Variants in BCORL1 observed in about 807,000 individuals in gnomAD.
The protein encoded by BCORL1 is BCL-6 corepressor-like protein 1.
A neutral mutation model predicts 87.6 loss-of-function variants in BCORL1; 7 were observed. The ratio of observed to expected loss-of-function variants is 0.08; its 90% CI spans 0.05 to 0.15. The LOEUF (loss-of-function observed/expected upper bound fraction) is 0.15, where lower values mean the gene tolerates loss of function less well. Among genes scored for constraint, BCORL1 ranks in the 10% least tolerant of loss-of-function variants. BCORL1 has a pLI of 1.00. For synonymous variants in BCORL1, 591 were observed against 634.4 expected (o/e 0.93, Z 1.03); for missense variants, 1,215 against 1,499.7 (o/e 0.81, Z 3.13).
In BCORL1 at chrX:130,021,156, C is replaced by T. The variant is rs1929773203; in HGVS notation, c.3607+6C>T. ...AGCCGACAGCCACGAGGAAGGTAGG[C>T]CCCGCGGCCCTGGCCCTCTGGGCTG... On this transcript the variant is annotated splice_donor_region_variant and intron_variant, in intron 5 of 13. Transcript: ENST00000540052. The T allele has an allele frequency of 8.3e-7, 1 of 1,197,699 alleles. No homozygotes were observed. The highest frequency in any genetic ancestry group is 1.1e-6 in the Non-Finnish European group (1 of 890,179).
rs929587534 is a variant in BCORL1 at position 130,055,809 on chromosome X, G to A, written c.5076-45G>A. ...AGTGTTCTGGGTCGGTGCCCCCACC[G>A]CTTCCTCCAGCCTCCTTCAATAACT... On this transcript the variant is annotated intron_variant, in intron 13 of 13. Transcript: ENST00000540052. 14 of 1,156,876 alleles carry A rather than the reference G, an allele frequency of 1.2e-5. No individual in the cohort carries two copies. The highest frequency in any genetic ancestry group is 2.4e-4 in the Middle Eastern group (1 of 4,095).
chrX:130,056,083 G>C lies in BCORL1; in HGVS notation c.5305G>C (p.Asp1769His), dbSNP rs376355190. Residue 1769 changes from aspartate (D) to histidine (H), a missense_variant, in exon 14 of 14, where the codon GAC becomes CAC. Physicochemically the swap from Asp to His is moderately conservative, Grantham distance 81. Around this residue, in one of 5 missense-constraint regions of BCORL1, gnomAD observed 129 missense variants for 157.5 expected, o/e 0.82. Transcript: ENST00000540052. ...TGTGGAGCTGGTGCGGTACGAGCCAGACCTACTTCGGCTCCTAGGGTCCGA... is the reference window on the plus strand; with the variant it reads ...TGTGGAGCTGGTGCGGTACGAGCCACACCTACTTCGGCTCCTAGGGTCCGA... The part of the protein sequence containing the change: ...ETVELVRYEP[D>H]LLRLLGSEVE... 2 of 1,196,433 alleles carry C rather than the reference G, an allele frequency of 1.7e-6. No homozygotes were observed. Among genetic ancestry groups the C allele is most frequent in the Non-Finnish European group, 2.3e-6 (2 of 886,377 alleles).
chrX:130,001,395 G>A (rs780741593), intron 1 of BCORL1, among the ~76,000 whole-genome samples: 63 of 112,393 alleles, frequency 5.6e-4, no homozygotes, highest in Non-Finnish European at 8.6e-4. Flanking sequence ...GGCCAAGGAC[G>A]CTATTTCTTA....
chrX:129,993,389 T>A (rs1927328666), intron 1 of BCORL1, among the ~76,000 whole-genome samples: 1 of 112,482 alleles, frequency 8.9e-6, no homozygotes, highest in South Asian at 3.6e-4. Flanking sequence ...TCTGGCGGTA[T>A]GAAAATGTAA....
chrX:130,012,894 A>T, intron 3 of BCORL1, 56 bp from the exon 4 acceptor site: 1 of 1,163,524 alleles, frequency 8.6e-7, no homozygotes. Context: ...GCCTCAGGAC[A>T]CTTGCACCAT....
At chrX:130,010,026 C>T (rs976464084) in intron 2 of BCORL1, among the ~76,000 whole-genome samples, 7 of 111,920 alleles carry the variant, frequency 6.3e-5, no homozygotes, top group African/African-American at 1.9e-4. Flanking sequence ...GCAGCGCCTT[C>T]GGGGCTGGAC....
intron 7 of BCORL1, 61 bp from the exon 8 acceptor site, chrX:130,028,574 G>A: frequency 1.0e-6 from 1 of 991,252 alleles, no homozygotes; most frequent in Non-Finnish European, 1.4e-6. Context: ...TTAGAGGAAG[G>A]CGTTGCTTTT....
chrX:130,006,803 C>T (rs545941940), intron 2 of BCORL1, among the ~76,000 whole-genome samples: 14 of 111,352 alleles, frequency 1.3e-4, no homozygotes, highest in African/African-American at 4.2e-4. Flanking sequence ...AACTCCTGAC[C>T]TCATGATCCA....
rs1932491076 is a variant in BCORL1 at position 130,057,995 on chromosome X, G to T, written c.*1859G>T. 9.0e-6 allele frequency: 1 copy of T among 110,747 alleles called. No homozygotes were observed. The highest frequency in any genetic ancestry group is 1.9e-5 in the Non-Finnish European group (1 of 52,982). The allele number at this position is 110,747 out of a possible 1,213,427, so 9.1% of individuals were successfully genotyped here. ...TTGCCTTTCCTTTTTTCGCATTTGG[G>T]TGTATATTCTGGCTGCCCTTTATGT... is the stretch of plus-strand genomic sequence containing the variant. On this transcript the variant is annotated 3_prime_UTR_variant, in exon 14 of 14. Transcript: ENST00000540052.
At chrX:130,034,315 C>T (rs1930803078) in intron 8 of BCORL1, 140 bp from the exon 9 acceptor site, 7 of 376,880 alleles carry the variant, frequency 1.9e-5, no homozygotes, top group Middle Eastern at 5.3e-4. Context: ...TAGTCTCGGC[C>T]ATTTAGGGTA....
rs1038541006 is a variant in BCORL1, at chrX:130,057,446, C to T, written c.*1310C>T. 4 of 111,755 alleles carry T rather than the reference C, an allele frequency of 3.6e-5. No homozygotes were observed. The highest frequency in any genetic ancestry group is 7.5e-5 in the Non-Finnish European group (4 of 53,104). The allele number at this position is 111,755 out of a possible 1,213,427, so 9.2% of individuals were successfully genotyped here. A position where few individuals can be genotyped will look rare whatever the true frequency, so the allele number is the denominator to read the frequency against. On this transcript the variant is annotated 3_prime_UTR_variant, in exon 14 of 14. Coordinates refer to ENST00000540052, the MANE Select transcript of BCORL1 (RefSeq NM_001379451.1). ...AGCTTGGGTTGCTTCCCTGTCCCCG[C>T]CCCCTCTGTGGCATTGTCCCTCCCA...
intron 1 of BCORL1, among the ~76,000 whole-genome samples, chrX:129,986,790 G>C (rs1926661807): frequency 9.0e-6 from 1 of 111,517 alleles, no homozygotes; most frequent in African/African-American, 3.3e-5. Flanking sequence ...CTGCACTCCA[G>C]CCTGGGCAAC....
intron 11 of BCORL1, 46 bp downstream of exon 11, chrX:130,039,328 C>G: frequency 8.4e-7 from 1 of 1,191,842 alleles, no homozygotes; most frequent in South Asian, 1.8e-5. Context: ...GGGCCAGCCT[C>G]TGATTCCTGA....
intron 2 of BCORL1, among the ~76,000 whole-genome samples, chrX:130,005,720 A>T (rs1350711364): frequency 9.1e-6 from 1 of 109,762 alleles, no homozygotes; most frequent in Non-Finnish European, 1.9e-5. Context: ...GGCTCAAGTG[A>T]TTCTCCCACC....
chrX:130,037,340 C>T (rs1270929776), intron 9 of BCORL1, 27 bp from the exon 10 acceptor site: 26 of 1,201,444 alleles, frequency 2.2e-5, no homozygotes, highest in Non-Finnish European at 2.9e-5. Flanking sequence ...CCTCTCTTTG[C>T]TCATGGAGTT....
In BCORL1 at chrX:130,025,111, G is replaced by C; in HGVS notation, c.3810G>C (p.Lys1270Asn). The C allele has an allele frequency of 1.7e-6, 2 of 1,211,786 alleles. No individual in the cohort carries two copies. Among genetic ancestry groups the C allele is most frequent in the Non-Finnish European group, 2.2e-6 (2 of 895,526 alleles). Residue 1270 changes from lysine (K) to asparagine (N), a missense_variant, in exon 7 of 14, where the codon AAG becomes AAC. By Grantham distance (94) the Lys-to-Asn change is moderately conservative. Coordinates refer to ENST00000540052, the MANE Select transcript of BCORL1 (RefSeq NM_001379451.1). ...CAGCTAAGCGTCGAAAGGTGAGAAA[G>C]ACCCAACGGGACACCCAGTATCGCA... ...PTPAKRRKVR[K>N]TQRDTQYRSH...
intron 11 of BCORL1, among the ~76,000 whole-genome samples, chrX:130,048,268 C>T (rs1931873897): frequency 8.9e-6 from 1 of 112,396 alleles, no homozygotes; most frequent in African/African-American, 3.2e-5. Flanking sequence ...GGGAAACTAG[C>T]TCTGCTCCTT....
chrX:130,053,221 A>G (rs1399601573), intron 13 of BCORL1, among the ~76,000 whole-genome samples: 1 of 111,629 alleles, frequency 9.0e-6, no homozygotes, highest in Non-Finnish European at 1.9e-5. Flanking sequence ...ATGGATGAGG[A>G]GGTCTTTAAG....
At chrX:130,054,868 G>A (rs886305135) in intron 13 of BCORL1, among the ~76,000 whole-genome samples, 6 of 110,720 alleles carry the variant, frequency 5.4e-5, no homozygotes, top group African/African-American at 1.6e-4. Context: ...CCGAGATTGC[G>A]CCACTGCACT....
Sources: gnomAD v4.1 joint callset for allele counts (sites outside exome capture counted in the v4.1 genomes callset) on GRCh38, gnomAD v4.1.1 for gene constraint, gnomAD v4.1.1 regional missense constraint, MANE v1.5 for transcripts, NCBI Gene and HGNC (gene_info 2026-07-23, HGNC 2026-07-21) for gene names.